VPS13B: variants seen among roughly 807,000 people sequenced by gnomAD.
VPS13B encodes intermembrane lipid transfer protein VPS13B.
VPS13B carries 285 observed loss-of-function variants against 426.4 expected under a neutral mutation model. That is an observed-to-expected ratio of 0.67 (90% CI 0.61 to 0.74). VPS13B has a LOEUF of 0.74. Among genes scored for constraint, VPS13B ranks in the 30% least tolerant of loss-of-function variants. The pLI is 0.00. For missense variants in VPS13B, 4,537 were observed against 4,782.6 expected, an observed-to-expected ratio of 0.95 and a Z score of 1.51; for synonymous variants, 1,676 against 1,676.4, an observed-to-expected ratio of 1.00 and a Z score of 0.01.
chr8:99,322,627 A>G (rs988146127), intron 19 of VPS13B, among the ~76,000 whole-genome samples: 3 of 152,226 alleles, frequency 2.0e-5, no homozygotes, highest in Non-Finnish European at 4.4e-5. Context: ...TGCAATCCAC[A>G]TGTCTGTGTC....
chr8:99,696,194 C>T (rs748425537), intron 35 of VPS13B: 3 of 177,634 alleles, frequency 1.7e-5, no homozygotes, highest in South Asian at 2.6e-4. Context: ...GCACTCTTCA[C>T]GCCGTGTCTC....
chr8:99,141,216 A>G (rs1294715235), intron 12 of VPS13B, among the ~76,000 whole-genome samples: 3 of 152,254 alleles, frequency 2.0e-5, no homozygotes, highest in African/African-American at 4.8e-5. Flanking sequence ...ACAAGTAAAT[A>G]GCTGAAAATA....
chr8:99,319,781 T>C (rs1809875800), intron 19 of VPS13B, among the ~76,000 whole-genome samples: 1 of 152,204 alleles, frequency 6.6e-6, no homozygotes, highest in Non-Finnish European at 1.5e-5. Flanking sequence ...GTTTTGATAT[T>C]GGACAAGATA....
intron 35 of VPS13B, chr8:99,696,643 A>C (rs554029257): frequency 3.2e-4 from 223 of 701,216 alleles, no homozygotes; most frequent in Non-Finnish European, 5.6e-4. Context: ...GAGCTGGCAG[A>C]GTTCCTCCAG....
At chr8:99,302,692 A>G (rs929853375) in intron 19 of VPS13B, among the ~76,000 whole-genome samples, 1 of 151,976 alleles carries the variant, frequency 6.6e-6, no homozygotes, top group Non-Finnish European at 1.5e-5. Flanking sequence ...TATTTTTTGT[A>G]GAGATGGGGT....
At chr8:99,388,720 G>A (rs749512688) in intron 20 of VPS13B, among the ~76,000 whole-genome samples, 1 of 152,218 alleles carries the variant, frequency 6.6e-6, no homozygotes, top group Non-Finnish European at 1.5e-5. Context: ...CTGACATGCA[G>A]CATCTTTATT....
At chr8:99,241,728 A>G (rs1563621557) in intron 17 of VPS13B, among the ~76,000 whole-genome samples, 1 of 152,204 alleles carries the variant, frequency 6.6e-6, no homozygotes, top group Non-Finnish European at 1.5e-5. Context: ...TTCTTTTAAT[A>G]TGTCTTCTCT....
chr8:99,319,437 A>G (rs1383174990), intron 19 of VPS13B, among the ~76,000 whole-genome samples: 1 of 152,220 alleles, frequency 6.6e-6, no homozygotes, highest in Non-Finnish European at 1.5e-5. Context: ...ATTGAGTTAG[A>G]GTCTAAATTC....
chr8:99,725,623 T>C (rs536931958), intron 39 of VPS13B, among the ~76,000 whole-genome samples: 1 of 152,346 alleles, frequency 6.6e-6, no homozygotes, highest in Admixed American at 6.5e-5. Flanking sequence ...AGTAGAGATG[T>C]TCAATAAATA....
At chr8:99,747,777 G>A (rs1204375976) in intron 39 of VPS13B, among the ~76,000 whole-genome samples, 1 of 151,906 alleles carries the variant, frequency 6.6e-6, no homozygotes, top group Admixed American at 6.6e-5. Flanking sequence ...TTATATTAGG[G>A]AGATTTTGTT....
intron 30 of VPS13B, among the ~76,000 whole-genome samples, chr8:99,552,318 G>A (rs909898361): frequency 2.0e-5 from 3 of 152,004 alleles, no homozygotes; most frequent in South Asian, 2.1e-4. Flanking sequence ...AATTTTGTCT[G>A]TGAGTGTCTC....
chr8:99,824,924 T>C lies in VPS13B; in HGVS notation c.9330+946T>C, dbSNP rs539566962. ...ACATGAACTCATTCTTTTTTATTTCTGCATAGTGTTCTATGCTGTATATGT... is the reference window on the plus strand; with the variant it reads ...ACATGAACTCATTCTTTTTTATTTCCGCATAGTGTTCTATGCTGTATATGT... On this transcript the variant is annotated intron_variant, in intron 51 of 61. Transcript: ENST00000357162. Among the ~76,000 whole-genome samples, 5 of 152,382 alleles carry C rather than the reference T, an allele frequency of 3.3e-5. No individual in the cohort carries two copies. In the South Asian group the frequency reaches 1.0e-3, roughly 32 times the overall value.
chr8:99,166,414 T>C (rs544553518), intron 15 of VPS13B, among the ~76,000 whole-genome samples: 1 of 152,364 alleles, frequency 6.6e-6, no homozygotes, highest in South Asian at 2.1e-4. Context: ...AATTATTCTT[T>C]GCTTGTAGGC....
chr8:99,044,941 A>G (rs1384424451), intron 3 of VPS13B, among the ~76,000 whole-genome samples: 1 of 150,804 alleles, frequency 6.6e-6, no homozygotes, highest in Non-Finnish European at 1.5e-5. Flanking sequence ...TCGTCGATTG[A>G]CAGGCATTTA....
At chr8:99,114,365 A>G (rs1050779319) in intron 6 of VPS13B, among the ~76,000 whole-genome samples, 1 of 152,092 alleles carries the variant, frequency 6.6e-6, no homozygotes, top group Non-Finnish European at 1.5e-5. Context: ...AAACACATTC[A>G]CTGGTCATTT....
chr8:99,597,033 G>A (rs530781033), intron 33 of VPS13B, among the ~76,000 whole-genome samples: 53 of 152,138 alleles, frequency 3.5e-4, no homozygotes, highest in Admixed American at 3.3e-3. Flanking sequence ...TAATATGTCA[G>A]AAATAGTGTT....
At chr8:99,837,157 A>C (rs1261651199) in intron 54 of VPS13B, among the ~76,000 whole-genome samples, 2 of 152,148 alleles carry the variant, frequency 1.3e-5, no homozygotes, top group African/African-American at 4.8e-5. Flanking sequence ...GGAAAAAGAG[A>C]GGGGCCTGAG....
intron 21 of VPS13B, among the ~76,000 whole-genome samples, chr8:99,412,594 C>T (rs1316794946): frequency 6.6e-6 from 1 of 152,160 alleles, no homozygotes; most frequent in Non-Finnish European, 1.5e-5. Flanking sequence ...CTGGCCAAAA[C>T]TTCCAATACT....
chr8:99,472,265 T>C (rs1003858139), intron 24 of VPS13B, among the ~76,000 whole-genome samples: 54 of 152,220 alleles, frequency 3.5e-4, no homozygotes, highest in African/African-American at 1.2e-3. Flanking sequence ...CTTGATCTAA[T>C]TGGCATTTAT....
Sources: allele counts gnomAD v4.1 joint callset (sites outside exome capture counted in the v4.1 genomes callset), GRCh38; gene constraint gnomAD v4.1.1; transcripts MANE v1.5; gene names NCBI Gene and HGNC (gene_info 2026-07-23, HGNC 2026-07-21).